Variants in PACS2 observed in about 807,000 individuals in gnomAD.
PACS2 encodes the protein PACS1-like protein.
A neutral mutation model predicts 113.0 loss-of-function variants in PACS2; 36 were observed. The ratio of observed to expected loss-of-function variants is 0.32; its 90% CI spans 0.24 to 0.42. PACS2 has a LOEUF of 0.42. PACS2 is among the 10% of genes least tolerant of loss of function. The probability of loss-of-function intolerance (pLI) is 1.00; values close to 1 mark genes in which losing one functional copy is unlikely to be tolerated. For missense variants in PACS2, 1,015 were observed against 1,239.5 expected (o/e 0.82, Z 2.72); for synonymous variants, 589 against 536.1 (o/e 1.10, Z -1.36).
chr14:105,347,031 C>T (rs1441404665), intron 1 of PACS2, among the ~76,000 whole-genome samples: 1 of 125,396 alleles, frequency 8.0e-6, no homozygotes, highest in Non-Finnish European at 1.7e-5. Context: ...ACGGCTCCCC[C>T]ACTGCCTGTT....
At chr14:105,383,320 G>T in intron 15 of PACS2, 39 bp from the exon 16 acceptor site, 1 of 1,600,132 alleles carries the variant, frequency 6.2e-7, no homozygotes, top group Non-Finnish European at 8.5e-7. Context: ...CCCCTGAGGC[G>T]TCTGTCCCCT....
intron 9 of PACS2, among the ~76,000 whole-genome samples, chr14:105,378,783 G>A (rs587688998): frequency 7.9e-5 from 12 of 152,258 alleles, no homozygotes; most frequent in African/African-American, 1.4e-4. Context: ...CTTTTTCTTC[G>A]TACATATTAT....
At chr14:105,305,848 T>C (rs1419454851) in intron 1 of PACS2, among the ~76,000 whole-genome samples, 2 of 152,270 alleles carry the variant, frequency 1.3e-5, no homozygotes, top group Admixed American at 1.3e-4. Context: ...ACCAGCTTCC[T>C]GTGCCCAGGG....
At chr14:105,304,621 T>G (rs2058128654) in intron 1 of PACS2, among the ~76,000 whole-genome samples, 1 of 152,220 alleles carries the variant, frequency 6.6e-6, no homozygotes, top group African/African-American at 2.4e-5. Context: ...ATGGTCTGAA[T>G]GTGCATTGTA....
At position 105,377,224 on chromosome 14, in the gene PACS2, G is replaced by A. The variant is rs587728483; in HGVS notation, c.959+299G>A. 1.0e-3 allele frequency among the ~76,000 whole-genome samples: 159 copies of A among 152,298 alleles called. 3 individuals carry two copies. Among genetic ancestry groups the A allele is most frequent in the Admixed American group, 8.8e-3 (135 of 15,310 alleles). On this transcript the variant is annotated intron_variant, in intron 9 of 24. Transcript: ENST00000447393. The stretch of plus-strand genomic sequence containing the variant: ...CTGGCTGGGCTGGGTGTGGCACCCC[G>A]TTGTAGGGGATCCGTCTCTGGGGGA...
At chr14:105,381,139 C>G in intron 12 of PACS2, 40 bp downstream of exon 12, 1 of 1,572,550 alleles carries the variant, frequency 6.4e-7, no homozygotes, top group Non-Finnish European at 8.7e-7. Flanking sequence ...GGTGATGCAC[C>G]TGTCGGGGGA....
rs781979854 is a variant in PACS2, at chr14:105,394,697, C to T, written c.*25C>T. 1 of 1,450,540 alleles carries T rather than the reference C, an allele frequency of 6.9e-7. No individual in the cohort carries two copies. The highest frequency in any genetic ancestry group is 9.7e-7 in the Non-Finnish European group (1 of 1,031,100). 89.9% of individuals were successfully genotyped at this position (1,450,540 alleles called of 1,614,324 possible). A position where few individuals can be genotyped will look rare whatever the true frequency, so the allele number is the denominator to read the frequency against. ...GCCCCACCCACCAGGGGGCCCACCTCCTGCCCCATGCTGTGAGGGGCCCAG... is the reference window on the plus strand; with the variant it reads ...GCCCCACCCACCAGGGGGCCCACCTTCTGCCCCATGCTGTGAGGGGCCCAG... On this transcript the variant is annotated 3_prime_UTR_variant, in exon 25 of 25. Transcript: ENST00000447393.
At chr14:105,369,542 G>C (rs1555408825) in intron 7 of PACS2, among the ~76,000 whole-genome samples, 1 of 152,214 alleles carries the variant, frequency 6.6e-6, no homozygotes, top group African/African-American at 2.4e-5. Context: ...GCCTTTCCTG[G>C]GAGGGGGTGC....
Position 105,384,497 on chromosome 14 carries a change from G to A in PACS2, c.1891+34G>A, listed in dbSNP as rs182996788. 8.1e-4 allele frequency: 1,187 copies of A among 1,458,194 alleles called. 12 individuals are homozygous for A. The East Asian group carries it at 0.022, about 26-fold the overall frequency. The allele number at this position is 1,458,194 out of a possible 1,614,324, so 90.3% of individuals were successfully genotyped here. ...CGGGCGCGTCCACAGCCCACGCCAC[G>A]GCGGGAGGAAGGGGCCCCGGTTTCC... On this transcript the variant is annotated intron_variant, in intron 17 of 24. Coordinates refer to ENST00000447393, the MANE Select transcript of PACS2 (RefSeq NM_001100913.3).
At chr14:105,308,413 CAG>C (rs1414308229) in intron 1 of PACS2, among the ~76,000 whole-genome samples, 3 of 151,298 alleles carry the variant, frequency 2.0e-5, no homozygotes, top group African/African-American at 7.3e-5. Context: ...GCCCAGGAGA[CAG>C]AAGTTGCAGT....
intron 4 of PACS2, among the ~76,000 whole-genome samples, chr14:105,361,951 A>G (rs1555406572): frequency 6.8e-6 from 1 of 147,162 alleles, no homozygotes; most frequent in East Asian, 2.0e-4. Context: ...CTTCATCTCA[A>G]ACAAACAAAC....
intron 1 of PACS2, among the ~76,000 whole-genome samples, chr14:105,320,245 G>C (rs1332497256): frequency 6.6e-6 from 1 of 152,106 alleles, no homozygotes; most frequent in Non-Finnish European, 1.5e-5. Context: ...CAAAGTGCTG[G>C]GATTACAGGC....
chr14:105,381,253 G>A (rs1595150534), intron 12 of PACS2, among the ~76,000 whole-genome samples, 154 bp downstream of exon 12: 1 of 152,320 alleles, frequency 6.6e-6, no homozygotes, highest in East Asian at 1.9e-4. Context: ...TCTTAAAAAG[G>A]AGAAGCAAAC....
In PACS2 at chr14:105,392,681, C is replaced by T. The variant is rs587631980; in HGVS notation, c.2318C>T (p.Ala773Val). ...GACTACTGGACGGCAGCACAGCCTG[C>T]GGACAGGAAGAGGGACGCCGAGAAG... is the stretch of plus-strand genomic sequence containing the variant. ...QVDYWTAAQP[A>V]DRKRDAEKKD... The change falls in exon 23 of 25, where the codon GCG becomes GTG. Residue 773 changes from alanine to valine, a missense_variant. Ala to Val is a moderately conservative substitution (Grantham distance 64). This residue lies in a region of PACS2 where 859 missense variants were observed against 1,056.8 expected (regional missense o/e 0.81). Transcript: ENST00000447393. 691 of 1,612,484 alleles carry T rather than the reference C, an allele frequency of 4.3e-4. 6 individuals carry two copies. The South Asian group carries it at 5.8e-3, about 13-fold the overall frequency.
At chr14:105,347,638 C>G (rs1204214332) in intron 1 of PACS2, among the ~76,000 whole-genome samples, 1 of 152,196 alleles carries the variant, frequency 6.6e-6, no homozygotes, top group Non-Finnish European at 1.5e-5. Flanking sequence ...CCATCCCTAT[C>G]TGGATGGTGG....
chr14:105,312,002 T>C (rs1211879973), upstream of PACS2, among the ~76,000 whole-genome samples: 1 of 151,820 alleles, frequency 6.6e-6, no homozygotes, highest in Non-Finnish European at 1.5e-5. Flanking sequence ...GGAGAAGGAG[T>C]AGGGGCGCTG....
chr14:105,337,404 C>T (rs1205369636), intron 1 of PACS2, among the ~76,000 whole-genome samples: 2 of 152,236 alleles, frequency 1.3e-5, no homozygotes, highest in Non-Finnish European at 2.9e-5. Context: ...TGCCACTGAC[C>T]TGCACACTGA....
intron 8 of PACS2, chr14:105,375,024 T>G (rs1056876299): frequency 1.5e-4 from 23 of 152,392 alleles, no homozygotes; most frequent in African/African-American, 5.5e-4. Flanking sequence ...GCACAGTGGC[T>G]CACACCTGTA....
rs995840882 is a variant in PACS2, at chr14:105,375,639, A to T, written c.802-1129A>T. 2.6e-5 allele frequency among the ~76,000 whole-genome samples: 4 copies of T among 152,226 alleles called. No individual in the cohort carries two copies. The East Asian group carries it at 7.7e-4, about 29-fold the overall frequency. ...GAGACACTACTTGATCCCCACTAGGATGGCTGGAACAAATGAAATGCAACA... is the reference window on the plus strand; with the variant it reads ...GAGACACTACTTGATCCCCACTAGGTTGGCTGGAACAAATGAAATGCAACA... On this transcript the variant is annotated intron_variant, in intron 8 of 24. Transcript: ENST00000447393.
Sources: allele counts gnomAD v4.1 joint callset (sites outside exome capture counted in the v4.1 genomes callset), GRCh38; gene constraint gnomAD v4.1.1; regional missense constraint gnomAD v4.1.1; transcripts MANE v1.5; gene names NCBI Gene and HGNC (gene_info 2026-07-23, HGNC 2026-07-21).